LRP1B: variants seen among roughly 807,000 people sequenced by gnomAD.
LRP1B encodes low-density lipoprotein receptor-related protein 1B.
Under a neutral mutation model 556.6 loss-of-function variants are expected in LRP1B, and 217 were observed. The ratio of observed to expected loss-of-function variants is 0.39; its 90% CI spans 0.35 to 0.44. The LOEUF (loss-of-function observed/expected upper bound fraction) is 0.44, where lower values mean the gene tolerates loss of function less well. Ranked by LOEUF, LRP1B falls within the 20% of genes least tolerant of loss-of-function variation. The pLI is 1.00. For synonymous variants in LRP1B, 2,047 were observed against 1,865.8 expected (o/e 1.10, Z -2.50); for missense variants, 5,053 against 5,620.8 (o/e 0.90, Z 3.23).
intron 3 of LRP1B, among the ~76,000 whole-genome samples, chr2:141,345,624 G>A (rs1030315539): frequency 6.6e-6 from 1 of 150,902 alleles, no homozygotes; most frequent in African/African-American, 2.4e-5. Flanking sequence ...CAGGTAGCTA[G>A]GACTACGAGT....
chr2:140,736,741 C>T (rs1687959035), intron 35 of LRP1B, among the ~76,000 whole-genome samples: 1 of 152,020 alleles, frequency 6.6e-6, no homozygotes. Context: ...GACCTAAAAC[C>T]ATAAAAATCC....
chr2:141,253,134 T>G (rs924729986), intron 4 of LRP1B, among the ~76,000 whole-genome samples: 1 of 152,132 alleles, frequency 6.6e-6, no homozygotes, highest in Admixed American at 6.6e-5. Flanking sequence ...GCCAAACACG[T>G]ACGAATGGCA....
At chr2:141,140,014 A>G (rs1701603746) in intron 7 of LRP1B, among the ~76,000 whole-genome samples, 1 of 152,140 alleles carries the variant, frequency 6.6e-6, no homozygotes, top group African/African-American at 2.4e-5. Flanking sequence ...TCAGCAAAAA[A>G]AAAGAGATTA....
At chr2:140,856,980 A>G (rs955762380) in intron 27 of LRP1B, among the ~76,000 whole-genome samples, 2 of 152,206 alleles carry the variant, frequency 1.3e-5, no homozygotes, top group Non-Finnish European at 2.9e-5. Flanking sequence ...AATACTTCAT[A>G]GGAGAAATGT....
intron 3 of LRP1B, among the ~76,000 whole-genome samples, chr2:141,331,038 G>A (rs1687625175): frequency 6.6e-6 from 1 of 152,122 alleles, no homozygotes; most frequent in Admixed American, 6.5e-5. Context: ...GATTACAGGC[G>A]TGACAAACCC....
intron 2 of LRP1B, among the ~76,000 whole-genome samples, chr2:141,537,471 T>C (rs1355907064): frequency 6.6e-6 from 1 of 152,032 alleles, no homozygotes; most frequent in African/African-American, 2.4e-5. Context: ...AAAGGAAAAA[T>C]GGTACTGACT....
At chr2:140,415,148 C>T (rs965439359) in intron 66 of LRP1B, among the ~76,000 whole-genome samples, 6 of 152,108 alleles carry the variant, frequency 3.9e-5, no homozygotes, top group Admixed American at 1.3e-4. Flanking sequence ...GGGGTCAGAC[C>T]GGTTCTCTGC....
intron 77 of LRP1B, among the ~76,000 whole-genome samples, chr2:140,339,758 T>G (rs750791572): frequency 6.6e-6 from 1 of 151,710 alleles, no homozygotes; most frequent in African/African-American, 2.4e-5. Context: ...ATTTCATATA[T>G]CAATCAAGGA....
chr2:141,140,860 T>C (rs890685749), intron 7 of LRP1B, among the ~76,000 whole-genome samples: 10 of 152,086 alleles, frequency 6.6e-5, no homozygotes, highest in Admixed American at 3.3e-4. Flanking sequence ...TATACAATTA[T>C]ATATAATATA....
intron 2 of LRP1B, among the ~76,000 whole-genome samples, chr2:141,552,628 T>C (rs1270182217): frequency 6.6e-6 from 1 of 152,012 alleles, no homozygotes; most frequent in Admixed American, 6.6e-5. Flanking sequence ...ATAGCAAATG[T>C]ATGATTATTA....
Position 140,861,567 on chromosome 2 carries a change from C to T in LRP1B, c.4579+6023G>A, listed in dbSNP as rs904580870. Among the ~76,000 whole-genome samples the T allele has an allele frequency of 4.2e-4, 64 of 152,180 alleles. 1 individual carries two copies. Among genetic ancestry groups the T allele is most frequent in the Admixed American group, 4.2e-3 (64 of 15,282 alleles). On this transcript the variant is annotated intron_variant, in intron 27 of 90. Transcript: ENST00000389484. ...AATTTGGAATTTGAACCCAAGCAAT[C>T]TGGCTCTAGACTAAGCTGATTGCTA...
intron 7 of LRP1B, among the ~76,000 whole-genome samples, chr2:141,084,212 T>G (rs1316826901): frequency 6.6e-6 from 1 of 152,174 alleles, no homozygotes; most frequent in African/African-American, 2.4e-5. Flanking sequence ...ACCTGATTCA[T>G]AAATATCACA....
chr2:141,886,319 T>C (rs1257112800), intron 1 of LRP1B, among the ~76,000 whole-genome samples: 1 of 152,098 alleles, frequency 6.6e-6, no homozygotes, highest in Admixed American at 6.5e-5. Flanking sequence ...AAGCCAAACA[T>C]GTTAACGGCC....
At chr2:140,315,461 G>A (rs1020317507) in intron 82 of LRP1B, among the ~76,000 whole-genome samples, 5 of 151,832 alleles carry the variant, frequency 3.3e-5, no homozygotes, top group Non-Finnish European at 7.4e-5. Flanking sequence ...CACCCAGACT[G>A]GTGGGCAGTG....
chr2:141,810,446 A>T (rs1300097618), intron 1 of LRP1B, 45 bp from the exon 2 acceptor site: 1 of 1,602,328 alleles, frequency 6.2e-7, no homozygotes, highest in South Asian at 1.1e-5. Context: ...TGATCTGAAC[A>T]TGGGCAGAAC....
chr2:140,380,790 T>C (rs796821797), intron 67 of LRP1B, among the ~76,000 whole-genome samples: 29 of 152,236 alleles, frequency 1.9e-4, no homozygotes, highest in African/African-American at 6.5e-4. Context: ...GGGTTGAAAG[T>C]TGTTGATGTA....
chr2:141,026,447 T>A (rs1418771951), intron 11 of LRP1B, among the ~76,000 whole-genome samples: 1 of 152,066 alleles, frequency 6.6e-6, no homozygotes, highest in Admixed American at 6.6e-5. Flanking sequence ...AAAATACTGA[T>A]CACTAAATTC....
chr2:141,427,300 G>GTAT (rs1475105496), intron 3 of LRP1B, among the ~76,000 whole-genome samples: 2 of 152,024 alleles, frequency 1.3e-5, no homozygotes, highest in African/African-American at 4.8e-5. Flanking sequence ...ATACATAAGG[G>GTAT]TATTATACAA....
intron 2 of LRP1B, among the ~76,000 whole-genome samples, chr2:141,776,373 C>T (rs1253055680): frequency 6.6e-6 from 1 of 152,206 alleles, no homozygotes; most frequent in Non-Finnish European, 1.5e-5. Context: ...AGAGCCACTC[C>T]ATATATTCTT....
Sources: gnomAD v4.1 joint callset for allele counts (sites outside exome capture counted in the v4.1 genomes callset) on GRCh38, gnomAD v4.1.1 for gene constraint, MANE v1.5 for transcripts, NCBI Gene and HGNC (gene_info 2026-07-23, HGNC 2026-07-21) for gene names.